Variants in HMX1 observed in about 807,000 individuals in gnomAD.
The protein encoded by HMX1 is H6 family homeobox 1, also known as homeobox protein HMX1.
In HMX1, 8 loss-of-function variants were observed where a neutral mutation model predicts 8.9. The ratio of observed to expected loss-of-function variants is 0.90; its 90% confidence interval spans 0.53 to 1.63. The LOEUF is 1.63. Among genes scored for constraint, HMX1 ranks in the 40% most tolerant of loss-of-function variants. HMX1 has a pLI of 0.00. For missense variants in HMX1, 621 were observed against 558.5 expected (o/e 1.11, Z -1.13); for synonymous variants, 311 against 283.4 (o/e 1.10, Z -0.98).
rs1407664070 is a variant in HMX1, at chr4:8,867,613, C to A, written c.*80G>T. On this transcript the variant is annotated 3_prime_UTR_variant, in exon 2 of 2. Transcript: ENST00000400677. ...AGCGACCATCCCTTCCCTAACGCCCCCTGAGCCCTGCGCCTGCCGCTGAAT... is the reference window on the plus strand; with the variant it reads ...AGCGACCATCCCTTCCCTAACGCCCACTGAGCCCTGCGCCTGCCGCTGAAT... 2.5e-6 allele frequency: 3 copies of A among 1,196,750 alleles called. No individual in the cohort carries two copies. The highest frequency in any genetic ancestry group is 3.1e-6 in the Non-Finnish European group (3 of 965,086). The allele number at this position is 1,196,750 out of a possible 1,614,324, so 74.1% of individuals were successfully genotyped here. A position where few individuals can be genotyped will look rare whatever the true frequency, so the allele number is the denominator to read the frequency against.
intron 1 of HMX1, among the ~76,000 whole-genome samples, chr4:8,860,316 G>A (rs991364261): frequency 6.6e-6 from 1 of 152,232 alleles, no homozygotes; most frequent in Admixed American, 6.5e-5. Flanking sequence ...TGAGCGCCTC[G>A]GAGGTGCTCC....
rs1320918612 is a variant in HMX1 at position 8,846,159 on chromosome 4, C to T, written c.560G>A (p.Trp187Ter). The stretch of plus-strand genomic sequence containing the variant: ...TGCTCCACGCGGTCACTCGGGGGTC[C>T]AGGCTGACAAAGGCTCCACCGTGTT... Residue 187 changes from tryptophan (W) to a stop codon, truncating the protein, a stop_gained, in exon 2 of 2, where the codon TGG becomes TAG. Transcript: ENST00000506970. LOFTEE classifies it high-confidence loss of function. 9.1e-7 allele frequency: 1 copy of T among 1,098,132 alleles called. No individual in the cohort carries two copies. Among genetic ancestry groups the T allele is most frequent in the Non-Finnish European group, 1.3e-6 (1 of 755,982 alleles). The allele number at this position is 1,098,132 out of a possible 1,614,324, so 68.0% of individuals were successfully genotyped here. A position where few individuals can be genotyped will look rare whatever the true frequency, so the allele number is the denominator to read the frequency against.
Position 8,871,722 on chromosome 4 carries a change from G to C in HMX1, c.-108C>G. ...GGGCCGGCCCTGGAGCTGCTACCCGGACCGCTGGCGTCGGGCCCCGCAGGG... is the reference window on the plus strand; with the variant it reads ...GGGCCGGCCCTGGAGCTGCTACCCGCACCGCTGGCGTCGGGCCCCGCAGGG... On this transcript the variant is annotated 5_prime_UTR_variant, in exon 1 of 2. Transcript: ENST00000400677. The surrounding 1 kb of genome is among the most constrained non-coding windows in gnomAD (Gnocchi z 4.8). 1 of 1,064,212 alleles carries C rather than the reference G, an allele frequency of 9.4e-7. No individual in the cohort carries two copies. The highest frequency in any genetic ancestry group is 4.5e-5 in the South Asian group (1 of 22,048). The allele number at this position is 1,064,212 out of a possible 1,614,324, so 65.9% of individuals were successfully genotyped here.
downstream of HMX1, among the ~76,000 whole-genome samples, chr4:8,864,267 C>T (rs752701844): frequency 2.0e-5 from 3 of 152,150 alleles, no homozygotes; most frequent in Non-Finnish European, 4.4e-5. Flanking sequence ...GGTGTGATTA[C>T]GGTCATGGGG....
At chr4:8,855,894 G>A (rs1179862700) in intron 1 of HMX1, among the ~76,000 whole-genome samples, 1 of 152,212 alleles carries the variant, frequency 6.6e-6, no homozygotes, top group African/African-American at 2.4e-5. Context: ...GGAGGTTCCT[G>A]TACGGGGCCA....
chr4:8,851,192 C>T (rs1372157572), intron 1 of HMX1, among the ~76,000 whole-genome samples: 2 of 152,194 alleles, frequency 1.3e-5, no homozygotes, highest in African/African-American at 2.4e-5. Context: ...GGTTTGGGGC[C>T]TTACAACACA....
At chr4:8,862,025 T>C (rs75067119) in intron 1 of HMX1, among the ~76,000 whole-genome samples, 7,625 of 152,290 alleles carry the variant, frequency 0.05, 248 homozygotes, top group East Asian at 0.093. Flanking sequence ...CTCCCTGATA[T>C]GTCCTCGACG....
At chr4:8,862,824 C>CT, downstream of HMX1, among the ~76,000 whole-genome samples, 1 of 152,196 alleles carries the variant, frequency 6.6e-6, no homozygotes. Flanking sequence ...GGCGGTGAGG[C>CT]TGGCTCTTCG....
At chr4:8,869,255 G>A (rs1722132183) in intron 1 of HMX1, among the ~76,000 whole-genome samples, 1 of 152,234 alleles carries the variant, frequency 6.6e-6, no homozygotes, top group African/African-American at 2.4e-5. Context: ...CCACAGGCTG[G>A]CAAGGGATGA....
At chr4:8,865,444 G>A (rs1215983640), downstream of HMX1, among the ~76,000 whole-genome samples, 1 of 152,102 alleles carries the variant, frequency 6.6e-6, no homozygotes, top group African/African-American at 2.4e-5. Context: ...ACCTCAAAAG[G>A]AGAGGCTACT....
At chr4:8,855,548 G>A (rs978611139) in intron 1 of HMX1, among the ~76,000 whole-genome samples, 9 of 152,144 alleles carry the variant, frequency 5.9e-5, no homozygotes, top group Middle Eastern at 3.2e-3. Context: ...GCCAGCTGCC[G>A]GGTGACCCAC....
chr4:8,854,814 C>T lies in HMX1; in HGVS notation c.395-8490G>A, dbSNP rs1721560088. On this transcript the variant is annotated intron_variant, in intron 1 of 1. Coordinates refer to the HMX1 transcript ENST00000506970. The stretch of plus-strand genomic sequence containing the variant: ...TCTAAAGTAACAGTAGTAAGTCCAA[C>T]ATCACCCAGCACACTTCAAACCATT... 2.0e-5 allele frequency among the ~76,000 whole-genome samples: 3 copies of T among 152,258 alleles called. No homozygotes were observed. In the South Asian group the frequency reaches 6.2e-4, roughly 31 times the overall value.
In HMX1 at chr4:8,871,565, G is replaced by A. The variant is rs1386987768; in HGVS notation, c.50C>T (p.Ser17Phe). ...EPGRATPARA[S>F]SFLIENLLAA... is the part of the protein sequence containing the mutation. ...CAGCAGGTTCTCGATGAGGAAGGAG[G>A]AGGCGCGGGCCGGCGTGGCGCGCCC... Residue 17 changes from serine to phenylalanine, a missense_variant, in exon 1 of 2, where the codon TCC (serine) becomes TTC (phenylalanine). Transcript: ENST00000400677. The surrounding 1 kb of genome is among the most constrained non-coding windows in gnomAD (Gnocchi z 4.8). The A allele has an allele frequency of 3.7e-6, 5 of 1,359,274 alleles. No homozygotes were observed. Among genetic ancestry groups the A allele is most frequent in the Admixed American group, 3.1e-5 (1 of 32,390 alleles). 84.2% of individuals were successfully genotyped at this position (1,359,274 alleles called of 1,614,324 possible). A position where few individuals can be genotyped will look rare whatever the true frequency, so the allele number is the denominator to read the frequency against.
In HMX1 at chr4:8,853,119, G is replaced by A. The variant is rs1721504075; in HGVS notation, c.395-6795C>T. Among the ~76,000 whole-genome samples the A allele has an allele frequency of 6.6e-6, 1 of 152,164 alleles. No homozygotes were observed. The highest frequency in any genetic ancestry group is 2.4e-5 in the African/African-American group (1 of 41,436). On this transcript the variant is annotated intron_variant, in intron 1 of 1. Transcript: ENST00000506970. This position sits in a 1 kb window ranked among gnomAD's most constrained non-coding sequence, Gnocchi z 4.7. ...ATTCTGACTGGCCCAGTTTACAAGAGCCTCCTGTATTAGGGTATTGACTCT... is the reference window on the plus strand; with the variant it reads ...ATTCTGACTGGCCCAGTTTACAAGAACCTCCTGTATTAGGGTATTGACTCT...
At chr4:8,851,891 C>T (rs1007613326) in intron 1 of HMX1, among the ~76,000 whole-genome samples, 4 of 152,244 alleles carry the variant, frequency 2.6e-5, no homozygotes, top group Non-Finnish European at 5.9e-5. Flanking sequence ...GCTCATGCCC[C>T]GAGGCCAGGC....
chr4:8,864,847 G>T (rs1237394433), downstream of HMX1, among the ~76,000 whole-genome samples: 1 of 152,150 alleles, frequency 6.6e-6, no homozygotes, highest in Non-Finnish European at 1.5e-5. Flanking sequence ...TTCCCACCAG[G>T]GCAAGCCCTG....
Position 8,868,225 on chromosome 4 carries a change from G to C in HMX1, c.515C>G (p.Pro172Arg), listed in dbSNP as rs528729403. ...CGACGCCTCCTCCGTGCCGGCCGCCGGGCCACGCGCCGCCAGCTCCGCTGC... is the reference window on the plus strand; with the variant it reads ...CGACGCCTCCTCCGTGCCGGCCGCCCGGCCACGCGCCGCCAGCTCCGCTGC... ...REAAELAARG[P>R]AAGTEEASEL... The change falls in exon 2 of 2, where the codon CCG (proline) becomes CGG (arginine). Residue 172 changes from proline (P) to arginine (R), a missense_variant. Coordinates refer to ENST00000400677, the MANE Select transcript of HMX1 (RefSeq NM_018942.3). The surrounding 1 kb of genome is among the most constrained non-coding windows in gnomAD (Gnocchi z 4.6). 2 of 1,439,100 alleles carry C rather than the reference G, an allele frequency of 1.4e-6. No homozygotes were observed. The highest frequency in any genetic ancestry group is 1.5e-5 in the African/African-American group (1 of 67,062). 89.1% of individuals were successfully genotyped at this position (1,439,100 alleles called of 1,614,324 possible).
chr4:8,861,626 A>C (rs1444664594), intron 1 of HMX1, among the ~76,000 whole-genome samples: 1 of 152,082 alleles, frequency 6.6e-6, no homozygotes, highest in Non-Finnish European at 1.5e-5. Context: ...GGCACGGCCG[A>C]GGCTGCGCTT....
rs1259421010 is a variant in HMX1 at position 8,867,993 on chromosome 4, G to T, written c.747C>A (p.Ile249=). The T allele has an allele frequency of 3.9e-6, 6 of 1,541,260 alleles. No homozygotes were observed. Among genetic ancestry groups the T allele is most frequent in the Non-Finnish European group, 5.2e-6 (6 of 1,143,516 alleles). Residue 249 remains isoleucine, a synonymous_variant, in exon 2 of 2, where the codon ATC becomes ATA. Coordinates refer to ENST00000400677, the MANE Select transcript of HMX1 (RefSeq NM_018942.3). ...SLQLTETQVK[I]WFQNRRNKWK... ...ACTTGTTGCGGCGGTTCTGGAACCA[G>T]ATCTTAACCTGCGTCTCGGTGAGCT...
Sources: gnomAD v4.1 joint callset for allele counts (sites outside exome capture counted in the v4.1 genomes callset) on GRCh38, gnomAD v4.1.1 for gene constraint, Gnocchi (gnomAD v3.1) non-coding constraint, MANE v1.5 for transcripts, NCBI Gene and HGNC (gene_info 2026-07-23, HGNC 2026-07-21) for gene names.